The following SLC9A9 variants were observed in gnomAD, a reference collection of about 807,000 sequenced individuals.
SLC9A9 encodes sodium/hydrogen exchanger 9.
SLC9A9 carries 62 observed loss-of-function variants against 77.8 expected under a neutral mutation model. The observed-to-expected ratio is 0.80, with a 90% CI of 0.65 to 0.98. The LOEUF is 0.98. Ranked by LOEUF, SLC9A9 falls within the 50% of genes least tolerant of loss-of-function variation. The pLI is 0.00. For synonymous variants in SLC9A9, 320 were observed against 283.5 expected, an observed-to-expected ratio of 1.13 and a Z score of -1.29; for missense variants, 775 against 774.9, an observed-to-expected ratio of 1.00 and a Z score of 0.00.
intron 1 of SLC9A9, among the ~76,000 whole-genome samples, chr3:143,834,779 G>A (rs1209362171): frequency 2.0e-5 from 3 of 152,018 alleles, no homozygotes; most frequent in African/African-American, 4.8e-5. Flanking sequence ...CTCATTGTTC[G>A]AGAAGAAGCA....
At chr3:143,556,474 T>C (rs2036985835) in intron 8 of SLC9A9, among the ~76,000 whole-genome samples, 1 of 152,216 alleles carries the variant, frequency 6.6e-6, no homozygotes, top group South Asian at 2.1e-4. Flanking sequence ...TTCTTCCTAT[T>C]TGCCTGCTCT....
intron 12 of SLC9A9, among the ~76,000 whole-genome samples, chr3:143,423,248 TAC>T (rs377276883): frequency 0.059 from 8,535 of 143,716 alleles, 332 homozygotes; most frequent in African/African-American, 0.11. Flanking sequence ...CACGCGCGTG[TAC>T]ACACACACAC....
intron 11 of SLC9A9, among the ~76,000 whole-genome samples, chr3:143,469,292 A>C (rs1221000480): frequency 6.6e-6 from 1 of 152,186 alleles, no homozygotes; most frequent in African/African-American, 2.4e-5. Context: ...AAGGAGCTAA[A>C]ATGGAAGGTC....
chr3:143,568,054 A>T (rs974546869), intron 8 of SLC9A9, among the ~76,000 whole-genome samples: 1 of 152,198 alleles, frequency 6.6e-6, no homozygotes, highest in Non-Finnish European at 1.5e-5. Context: ...TAATAAAAAC[A>T]GACTCTGGCT....
At chr3:143,291,119 G>A (rs2029933784) in intron 14 of SLC9A9, among the ~76,000 whole-genome samples, 1 of 152,206 alleles carries the variant, frequency 6.6e-6, no homozygotes, top group Non-Finnish European at 1.5e-5. Context: ...TAGGAACAGG[G>A]AGGATTCTGA....
At chr3:143,812,212 T>A (rs888816899) in intron 2 of SLC9A9, among the ~76,000 whole-genome samples, 10 of 152,252 alleles carry the variant, frequency 6.6e-5, no homozygotes, top group Admixed American at 6.5e-4. Flanking sequence ...ATCAAAATGT[T>A]AACTGTTGAT....
At chr3:143,392,579 G>C (rs2033600003) in intron 12 of SLC9A9, among the ~76,000 whole-genome samples, 1 of 152,140 alleles carries the variant, frequency 6.6e-6, no homozygotes, top group Non-Finnish European at 1.5e-5. Flanking sequence ...CATAATGACA[G>C]GATCAAATTC....
intron 4 of SLC9A9, among the ~76,000 whole-genome samples, chr3:143,774,435 C>A (rs2007626091): frequency 6.6e-6 from 1 of 152,166 alleles, no homozygotes; most frequent in Admixed American, 6.5e-5. Context: ...GGGTTCAAAT[C>A]CCAGCTCTTC....
intron 5 of SLC9A9, among the ~76,000 whole-genome samples, chr3:143,667,697 G>T (rs1012830016): frequency 2.0e-5 from 3 of 152,158 alleles, no homozygotes; most frequent in Non-Finnish European, 4.4e-5. Flanking sequence ...CTTCTCAAAA[G>T]AAGACATTTA....
chr3:143,582,147 T>C (rs1450186928), intron 6 of SLC9A9, among the ~76,000 whole-genome samples: 1 of 152,198 alleles, frequency 6.6e-6, no homozygotes, highest in Non-Finnish European at 1.5e-5. Flanking sequence ...AGTCATATTG[T>C]GGGTACTTTT....
At position 143,265,602 on chromosome 3, in the gene SLC9A9, T is replaced by C. The variant is rs577459945; in HGVS notation, c.*1100A>G. 9 of 327,304 alleles carry C rather than the reference T, an allele frequency of 2.7e-5. No individual in the cohort carries two copies. Among genetic ancestry groups the C allele is most frequent in the African/African-American group, 1.7e-4 (8 of 47,230 alleles). The allele number at this position is 327,304 out of a possible 1,614,324, so 20.3% of individuals were successfully genotyped here. Reference sequence around the variant, plus strand: ...TTCAAGAGGTGCTAGGCTTGAGGTATCTTTATGGCTTAAAAGGCACAGGTC... The same window carrying C: ...TTCAAGAGGTGCTAGGCTTGAGGTACCTTTATGGCTTAAAAGGCACAGGTC... On this transcript the variant is annotated 3_prime_UTR_variant, in exon 16 of 16. Coordinates refer to ENST00000316549, the MANE Select transcript of SLC9A9 (RefSeq NM_173653.4).
At chr3:143,613,723 T>G (rs923820537) in intron 6 of SLC9A9, among the ~76,000 whole-genome samples, 1 of 152,130 alleles carries the variant, frequency 6.6e-6, no homozygotes, top group Non-Finnish European at 1.5e-5. Context: ...GCCTCTCTTT[T>G]TTTTTTTCTG....
chr3:143,391,258 A>G (rs929341563), intron 12 of SLC9A9, among the ~76,000 whole-genome samples: 9 of 152,234 alleles, frequency 5.9e-5, no homozygotes, highest in Non-Finnish European at 1.2e-4. Context: ...TGAAGCTTCC[A>G]GAGGAACGAT....
At chr3:143,844,950 C>A (rs924504020) in intron 1 of SLC9A9, among the ~76,000 whole-genome samples, 8 of 151,876 alleles carry the variant, frequency 5.3e-5, no homozygotes, top group African/African-American at 1.9e-4. Flanking sequence ...AGAGTTTAAT[C>A]CTTTAATGGA....
At chr3:143,699,067 G>A (rs187615355) in intron 4 of SLC9A9, among the ~76,000 whole-genome samples, 96 of 152,258 alleles carry the variant, frequency 6.3e-4, no homozygotes, top group Non-Finnish European at 1.2e-3. Flanking sequence ...TTTTTCTGAA[G>A]CATGTGTTCA....
chr3:143,328,159 G>A (rs183077909), intron 14 of SLC9A9, among the ~76,000 whole-genome samples: 6 of 152,156 alleles, frequency 3.9e-5, no homozygotes, highest in African/African-American at 9.6e-5. Context: ...CAAAACCCAC[G>A]GAATGCATAA....
At chr3:143,663,694 A>C (rs1310453313) in intron 5 of SLC9A9, among the ~76,000 whole-genome samples, 3 of 152,236 alleles carry the variant, frequency 2.0e-5, no homozygotes, top group Non-Finnish European at 4.4e-5. Context: ...AGCCGATTCC[A>C]TCAAGTGGAA....
chr3:143,741,188 A>C (rs1258160070), intron 4 of SLC9A9, among the ~76,000 whole-genome samples: 1 of 152,174 alleles, frequency 6.6e-6, no homozygotes, highest in African/African-American at 2.4e-5. Context: ...TCTTTGGAGA[A>C]ATAGCTGTTC....
At chr3:143,826,025 G>A (rs541963741) in intron 2 of SLC9A9, among the ~76,000 whole-genome samples, 3 of 152,112 alleles carry the variant, frequency 2.0e-5, no homozygotes, top group South Asian at 2.1e-4. Context: ...TTGGGAGGCT[G>A]AGGCAGGCAG....
Sources: allele counts gnomAD v4.1 joint callset (sites outside exome capture counted in the v4.1 genomes callset), GRCh38; gene constraint gnomAD v4.1.1; transcripts MANE v1.5; gene names NCBI Gene and HGNC (gene_info 2026-07-23, HGNC 2026-07-21).